Variants in ATL2 observed in about 807,000 individuals in gnomAD.
The protein encoded by ATL2 is atlastin-2.
ATL2 carries 31 observed loss-of-function variants against 73.9 expected under a neutral mutation model. That is an observed-to-expected ratio of 0.42 (90% CI 0.32 to 0.57). The LOEUF (loss-of-function observed/expected upper bound fraction) is 0.57. ATL2 is among the 20% of genes least tolerant of loss of function. The probability of loss-of-function intolerance (pLI) is 0.14; values close to 1 mark genes in which losing one functional copy is unlikely to be tolerated. For missense variants in ATL2, 738 were observed against 702.6 expected (o/e 1.05, Z -0.57); for synonymous variants, 291 against 237.5 (o/e 1.23, Z -2.07).
chr2:38,359,747 T>C (rs1443376356), intron 1 of ATL2: 1 of 152,132 alleles, frequency 6.6e-6, no homozygotes. Context: ...ATGTATAAAC[T>C]CAAAAGTATT....
intron 1 of ATL2, among the ~76,000 whole-genome samples, chr2:38,363,268 G>C (rs1671113097): frequency 6.6e-6 from 1 of 151,514 alleles, no homozygotes; most frequent in South Asian, 2.1e-4. Flanking sequence ...ATTATCAAAT[G>C]AGCATGTCTG....
At chr2:38,338,778 A>G (rs532340149) in intron 2 of ATL2, among the ~76,000 whole-genome samples, 1 of 152,322 alleles carries the variant, frequency 6.6e-6, no homozygotes, top group Admixed American at 6.5e-5. Flanking sequence ...ACGTGACTAT[A>G]CATACCCCCA....
At chr2:38,315,401 C>T in intron 4 of ATL2, 67 bp from the exon 5 acceptor site, 2 of 1,449,042 alleles carry the variant, frequency 1.4e-6, no homozygotes, top group East Asian at 5.6e-5. Flanking sequence ...TTCTGTATAA[C>T]TTTACTTGTG....
chr2:38,371,876 G>A (rs1172206830), intron 1 of ATL2, among the ~76,000 whole-genome samples: 1 of 152,164 alleles, frequency 6.6e-6, no homozygotes, highest in African/African-American at 2.4e-5. Context: ...CAGCCTGGGT[G>A]ACAGAGGGAG....
intron 9 of ATL2, among the ~76,000 whole-genome samples, chr2:38,306,849 C>T (rs776441550): frequency 6.6e-6 from 1 of 152,010 alleles, no homozygotes; most frequent in Non-Finnish European, 1.5e-5. Context: ...AACAAGGATA[C>T]CCACTTTCAC....
At chr2:38,333,431 C>G (rs1303909432) in intron 2 of ATL2, among the ~76,000 whole-genome samples, 1 of 152,030 alleles carries the variant, frequency 6.6e-6, no homozygotes, top group Non-Finnish European at 1.5e-5. Flanking sequence ...ACAAAAGGAA[C>G]TTATATTATA....
At chr2:38,299,352 T>G in intron 10 of ATL2, 25 bp from the exon 11 acceptor site, 1 of 1,519,974 alleles carries the variant, frequency 6.6e-7, no homozygotes, top group Non-Finnish European at 8.7e-7. Flanking sequence ...ATGCCATTAT[T>G]ATGCAAAAAA....
chr2:38,316,479 G>GT (rs1668030013), intron 4 of ATL2, among the ~76,000 whole-genome samples: 1 of 152,016 alleles, frequency 6.6e-6, no homozygotes, highest in Admixed American at 6.6e-5. Flanking sequence ...TGCTCAGTAT[G>GT]TATTTGTTGA....
At chr2:38,330,581 G>T (rs1233216439) in intron 2 of ATL2, among the ~76,000 whole-genome samples, 1 of 152,134 alleles carries the variant, frequency 6.6e-6, no homozygotes, top group East Asian at 1.9e-4. Context: ...AGATCAATAT[G>T]CAAGTCAAGT....
At chr2:38,345,560 G>A (rs968498374) in intron 1 of ATL2, among the ~76,000 whole-genome samples, 1 of 152,188 alleles carries the variant, frequency 6.6e-6, no homozygotes, top group Non-Finnish European at 1.5e-5. Context: ...ATCTTTGAAA[G>A]TAAAAGCAAT....
chr2:38,346,996 G>C (rs770212607), intron 1 of ATL2, among the ~76,000 whole-genome samples: 1 of 152,130 alleles, frequency 6.6e-6, no homozygotes, highest in Non-Finnish European at 1.5e-5. Flanking sequence ...CCAGGAACAA[G>C]AATCTTCCCT....
rs541325892 is a variant in ATL2 at position 38,365,134 on chromosome 2, T to TACACAC, written c.118+12003_118+12008dup. On this transcript the variant is annotated intron_variant, in intron 1 of 12. Coordinates refer to ENST00000378954, the MANE Select transcript of ATL2 (RefSeq NM_001135673.4). ...GGATAGCCAGTTAGCAAGGGAATCA[T>TACACAC]ACACACACACACACACACACACACA... Among the ~76,000 whole-genome samples the TACACAC allele has an allele frequency of 3.1e-3, 417 of 132,736 alleles. 3 individuals carry two copies. The highest frequency in any genetic ancestry group is 8.5e-3 in the African/African-American group (322 of 37,708). 87.1% of individuals were successfully genotyped at this position (132,736 alleles called of 152,430 possible). A position where few individuals can be genotyped will look rare whatever the true frequency, so the allele number is the denominator to read the frequency against.
rs1210308066 is a variant in ATL2, at chr2:38,377,253, T to G, written c.8A>C (p.Glu3Ala). ...CTGCCCTCGCGCTGCCTCGTCCCCC[T>G]CCGCCATCTTGTACCGATTTAAAAT... MA[E>A]GDEAARGQQP... is the part of the protein sequence containing the mutation. The change falls in exon 1 of 13, where the codon GAG (glutamate) becomes GCG (alanine). Residue 3 changes from glutamate to alanine, a missense_variant. Glu to Ala is a moderately radical substitution (Grantham distance 107). Coordinates refer to ENST00000378954, the MANE Select transcript of ATL2 (RefSeq NM_001135673.4). The G allele has an allele frequency of 4.4e-6, 7 of 1,584,112 alleles. No homozygotes were observed. The Admixed American group carries it at 7.2e-5, about 16-fold the overall frequency.
In ATL2 at chr2:38,360,259, C is replaced by CTTTTTTTTTT. The variant is rs566192942; in HGVS notation, c.119-16757_119-16748dup. 3.3e-3 allele frequency among the ~76,000 whole-genome samples: 441 copies of CTTTTTTTTTT among 135,332 alleles called. 1 individual carries two copies. Among genetic ancestry groups the CTTTTTTTTTT allele is most frequent in the African/African-American group, 0.011 (413 of 37,388 alleles). 88.8% of individuals were successfully genotyped at this position (135,332 alleles called of 152,430 possible). A position where few individuals can be genotyped will look rare whatever the true frequency, so the allele number is the denominator to read the frequency against. On this transcript the variant is annotated intron_variant, in intron 1 of 12. Transcript: ENST00000378954. Reference sequence around the variant, plus strand: ...AGAATAAGCGATGGCTCAGGGGATTCTTTTTTTTTTTTTTAAGATTTTGGG... The same window carrying CTTTTTTTTTT: ...AGAATAAGCGATGGCTCAGGGGATTCTTTTTTTTTTTTTTTTTTTTTTTTAAGATTTTGGG...
At position 38,377,155 on chromosome 2, in the gene ATL2, T is replaced by A; in HGVS notation, c.106A>T (p.Thr36Ser). ...PSAAVNHVSS[T>S]TSLGENYEDD... ...CGCTGGCCCGTACCTAGGGAGGTCG[T>A]GGACGAGACGTGGTTAACCGCGGCG... The change falls in exon 1 of 13, where the codon ACG becomes TCG. Residue 36 changes from threonine to serine, a missense_variant. Physicochemically the swap from Thr to Ser is moderately conservative, Grantham distance 58 (BLOSUM62 1). Transcript: ENST00000378954. 6.2e-7 allele frequency: 1 copy of A among 1,610,590 alleles called. No individual in the cohort carries two copies. The highest frequency in any genetic ancestry group is 8.5e-7 in the Non-Finnish European group (1 of 1,179,376).
chr2:38,360,055 G>C (rs1191272789), intron 1 of ATL2, among the ~76,000 whole-genome samples: 1 of 151,032 alleles, frequency 6.6e-6, no homozygotes, highest in African/African-American at 2.4e-5. Flanking sequence ...ACTTGAACCT[G>C]GGAGGTAGAG....
At chr2:38,302,247 G>T (rs929922200) in intron 9 of ATL2, among the ~76,000 whole-genome samples, 2 of 152,082 alleles carry the variant, frequency 1.3e-5, no homozygotes, top group African/African-American at 4.8e-5. Context: ...CTTCAGGTGT[G>T]ACCCAGCACA....
At chr2:38,377,019 G>A in intron 1 of ATL2, 124 bp downstream of exon 1, 2 of 721,910 alleles carry the variant, frequency 2.8e-6, no homozygotes, top group South Asian at 2.4e-5. Flanking sequence ...AGGCGCGGCG[G>A]CGGGAGGAGA....
intron 1 of ATL2, among the ~76,000 whole-genome samples, chr2:38,361,025 T>C (rs1670983356): frequency 6.6e-6 from 1 of 151,946 alleles, no homozygotes; most frequent in African/African-American, 2.4e-5. Flanking sequence ...TATTTACATA[T>C]GGATAAGCTT....
Sources: allele counts gnomAD v4.1 joint callset (sites outside exome capture counted in the v4.1 genomes callset), GRCh38; gene constraint gnomAD v4.1.1; transcripts MANE v1.5; gene names NCBI Gene and HGNC (gene_info 2026-07-23, HGNC 2026-07-21).